The following LTBP1 variants were observed in gnomAD, a reference collection of about 807,000 sequenced individuals.
The protein encoded by LTBP1 is latent-transforming growth factor beta-binding protein 1.
In LTBP1, 129 loss-of-function variants were observed where a neutral mutation model predicts 207.6. That is an observed-to-expected ratio of 0.62 (90% CI 0.54 to 0.72). The LOEUF is 0.72. Ranked by LOEUF, LTBP1 falls within the 30% of genes least tolerant of loss-of-function variation. The probability of loss-of-function intolerance (pLI) is 0.00; values close to 1 mark genes in which losing one functional copy is unlikely to be tolerated. For synonymous variants in LTBP1, 963 were observed against 833.7 expected (o/e 1.16, Z -2.67); for missense variants, 2,281 against 2,217.2 (o/e 1.03, Z -0.58).
intron 3 of LTBP1, among the ~76,000 whole-genome samples, chr2:33,089,906 TGATA>T (rs1212235405): frequency 6.6e-6 from 1 of 152,228 alleles, no homozygotes; most frequent in Non-Finnish European, 1.5e-5. Flanking sequence ...CCCTATTACT[TGATA>T]AAGTTACAAC....
rs1676685433 is a variant in LTBP1, at chr2:32,948,951, T to C, written c.565+6T>C. ...CTCCCAGAGGTGCACCAAACGTAAGTTGCCATGTTCACAGTGGCCCTGCAC... is the reference window on the plus strand; with the variant it reads ...CTCCCAGAGGTGCACCAAACGTAAGCTGCCATGTTCACAGTGGCCCTGCAC... On this transcript the variant is annotated splice_donor_region_variant and intron_variant, in intron 2 of 33. Transcript: ENST00000404816. 1 of 1,613,986 alleles carries C rather than the reference T, an allele frequency of 6.2e-7. No individual in the cohort carries two copies. The highest frequency in any genetic ancestry group is 1.7e-5 in the Admixed American group (1 of 59,994).
chr2:33,199,922 T>A (rs999765402), intron 7 of LTBP1, among the ~76,000 whole-genome samples: 1 of 152,172 alleles, frequency 6.6e-6, no homozygotes, highest in Non-Finnish European at 1.5e-5. Context: ...TTACAAAGGA[T>A]GTGAAGGACC....
intron 9 of LTBP1, among the ~76,000 whole-genome samples, chr2:33,240,193 A>G (rs1325192988): frequency 6.6e-6 from 1 of 151,980 alleles, no homozygotes; most frequent in East Asian, 1.9e-4. Flanking sequence ...AAATAGAATT[A>G]TGGTTTACCA....
chr2:33,159,033 G>A (rs2148053473), intron 5 of LTBP1, among the ~76,000 whole-genome samples: 1 of 152,250 alleles, frequency 6.6e-6, no homozygotes, highest in East Asian at 1.9e-4. Flanking sequence ...GTGTCTCATG[G>A]CCAGGCAGGA....
chr2:33,142,218 A>T (rs961566446), intron 5 of LTBP1, among the ~76,000 whole-genome samples: 2 of 148,504 alleles, frequency 1.3e-5, no homozygotes, highest in East Asian at 4.0e-4. Flanking sequence ...CGCCCGGCTA[A>T]TTTTTTTTTT....
chr2:33,319,645 G>A (rs182266994), intron 24 of LTBP1, among the ~76,000 whole-genome samples: 75 of 152,134 alleles, frequency 4.9e-4, no homozygotes, highest in Admixed American at 4.0e-3. Context: ...TCTCCCAGTC[G>A]TGTGCCCAGG....
At chr2:32,985,166 C>G (rs1683351428) in intron 2 of LTBP1, among the ~76,000 whole-genome samples, 1 of 152,130 alleles carries the variant, frequency 6.6e-6, no homozygotes, top group Non-Finnish European at 1.5e-5. Context: ...TCCCCCGGAA[C>G]ACAGGAGAAC....
intron 15 of LTBP1, 70 bp from the exon 16 acceptor site, chr2:33,273,586 A>G: frequency 7.7e-7 from 1 of 1,294,320 alleles, no homozygotes; most frequent in Non-Finnish European, 1.1e-6. Flanking sequence ...TCAAAGTAAT[A>G]CTTTGAGAGT....
At chr2:33,207,300 G>A (rs935899373) in intron 7 of LTBP1, among the ~76,000 whole-genome samples, 13 of 152,036 alleles carry the variant, frequency 8.6e-5, no homozygotes, top group South Asian at 6.2e-4. Context: ...ATTCCTTGAA[G>A]CCCATGGTTT....
In LTBP1 at chr2:33,272,555, T is replaced by C. The variant is rs139063775; in HGVS notation, c.2618-1101T>C. Among the ~76,000 whole-genome samples, 62 of 152,368 alleles carry C rather than the reference T, an allele frequency of 4.1e-4. 1 individual carries two copies. In the East Asian group the frequency reaches 4.6e-3, roughly 11 times the overall value. Reference sequence around the variant, plus strand: ...GGTAACTTTTATTGAGCACATATAATATGCCAGGCATTGGCTACATGCGTT... The same window carrying C: ...GGTAACTTTTATTGAGCACATATAACATGCCAGGCATTGGCTACATGCGTT... On this transcript the variant is annotated intron_variant, in intron 15 of 33. Transcript: ENST00000404816.
chr2:33,190,785 G>GACAGCATCGATCCCACAA lies in LTBP1; in HGVS notation c.1701+1938_1701+1955dup, dbSNP rs368572042. 2.1e-3 allele frequency among the ~76,000 whole-genome samples: 315 copies of GACAGCATCGATCCCACAA among 152,288 alleles called. 3 individuals carry two copies. Among genetic ancestry groups the GACAGCATCGATCCCACAA allele is most frequent in the African/African-American group, 7.0e-3 (293 of 41,566 alleles). ...ATCATGTGCTTTCAGTAAGATAGGG[G>GACAGCATCGATCCCACAA]ACAGCATCGATCCCACAAACACAGC... On this transcript the variant is annotated intron_variant, in intron 7 of 33. Coordinates refer to ENST00000404816, the MANE Select transcript of LTBP1 (RefSeq NM_206943.4).
chr2:33,307,750 C>A (rs1043057084), intron 22 of LTBP1, among the ~76,000 whole-genome samples: 1 of 152,130 alleles, frequency 6.6e-6, no homozygotes, highest in Admixed American at 6.5e-5. Flanking sequence ...ATTCACATCA[C>A]CTGTGTTTTA....
At chr2:33,013,351 T>C (rs2149123776) in intron 2 of LTBP1, among the ~76,000 whole-genome samples, 1 of 152,250 alleles carries the variant, frequency 6.6e-6, no homozygotes, top group African/African-American at 2.4e-5. Flanking sequence ...TCTTTACTAA[T>C]TTCATTTCCC....
Position 33,262,725 on chromosome 2 carries a change from A to G in LTBP1, c.2422A>G (p.Ile808Val). Residue 808 changes from isoleucine to valine, a missense_variant, in exon 14 of 34, where the codon ATA becomes GTA. This residue lies in a region of LTBP1 where 1,671 missense variants were observed against 1,634.8 expected (regional missense o/e 1.02). Transcript: ENST00000404816. Reference protein sequence around the residue: ...EVATAPPEKEIPSLDQEKTKL... With the variant: ...EVATAPPEKEVPSLDQEKTKL... The stretch of plus-strand genomic sequence containing the variant: ...CTTTTAAAATACAACCATCCAGGAA[A>G]TACCTTCATTGGATCAAGAGAAAAC... 6.4e-7 allele frequency: 1 copy of G among 1,572,718 alleles called. No homozygotes were observed. The highest frequency in any genetic ancestry group is 8.7e-7 in the Non-Finnish European group (1 of 1,150,700).
At chr2:33,328,451 T>A (rs2094456259) in intron 24 of LTBP1, among the ~76,000 whole-genome samples, 1 of 152,182 alleles carries the variant, frequency 6.6e-6, no homozygotes, top group African/African-American at 2.4e-5. Context: ...GAGGTTTAAT[T>A]AATTCACAGT....
chr2:33,223,943 C>T (rs542909892), intron 9 of LTBP1, among the ~76,000 whole-genome samples: 25 of 152,234 alleles, frequency 1.6e-4, no homozygotes, highest in South Asian at 1.2e-3. Context: ...ACAAGACATA[C>T]CTAATAACAG....
intron 2 of LTBP1, among the ~76,000 whole-genome samples, chr2:33,019,228 T>C (rs1336567592): frequency 6.6e-6 from 1 of 151,576 alleles, no homozygotes; most frequent in African/African-American, 2.4e-5. Context: ...CAGGGCAGCA[T>C]AGTAAATGTA....
At chr2:33,359,563 C>A (rs2094903065) in intron 26 of LTBP1, among the ~76,000 whole-genome samples, 1 of 152,090 alleles carries the variant, frequency 6.6e-6, no homozygotes, top group Non-Finnish European at 1.5e-5. Flanking sequence ...GAGTTTGAGT[C>A]CCAAGAATCT....
At chr2:33,277,738 G>A (rs139732791) in intron 18 of LTBP1, among the ~76,000 whole-genome samples, 176 of 128,232 alleles carry the variant, frequency 1.4e-3, no homozygotes, top group African/African-American at 5.2e-3. Flanking sequence ...CAACAAAGAA[G>A]TCAAATACTG....
Sources: gnomAD v4.1 joint callset for allele counts (sites outside exome capture counted in the v4.1 genomes callset) on GRCh38, gnomAD v4.1.1 for gene constraint, gnomAD v4.1.1 regional missense constraint, MANE v1.5 for transcripts, NCBI Gene and HGNC (gene_info 2026-07-23, HGNC 2026-07-21) for gene names.